ATP11B: variants seen among roughly 807,000 people sequenced by gnomAD.
The protein encoded by ATP11B is phospholipid-transporting ATPase IF.
Under a neutral mutation model 157.8 loss-of-function variants are expected in ATP11B, and 81 were observed. That is an observed-to-expected ratio of 0.51 (90% CI 0.43 to 0.62). ATP11B has a LOEUF of 0.62. Among genes scored for constraint, ATP11B ranks in the 20% least tolerant of loss-of-function variants. The pLI is 0.00. For synonymous variants in ATP11B, 451 were observed against 469.4 expected (o/e 0.96, Z 0.51); for missense variants, 1,165 against 1,402.2 (o/e 0.83, Z 2.70).
intron 2 of ATP11B, among the ~76,000 whole-genome samples, chr3:182,820,822 G>A (rs1444212047): frequency 1.3e-5 from 2 of 152,126 alleles, no homozygotes; most frequent in Admixed American, 6.5e-5. Context: ...AGAATACAAG[G>A]AGTGGCTAAT....
In ATP11B at chr3:182,793,743, A is replaced by C; in HGVS notation, c.-17A>C. The C allele has an allele frequency of 7.1e-7, 1 of 1,405,022 alleles. No individual in the cohort carries two copies. Among genetic ancestry groups the C allele is most frequent in the Non-Finnish European group, 9.3e-7 (1 of 1,073,400 alleles). 87.0% of individuals were successfully genotyped at this position (1,405,022 alleles called of 1,614,324 possible). On this transcript the variant is annotated 5_prime_UTR_variant, in exon 1 of 30. Transcript: ENST00000323116. Reference sequence around the variant, plus strand: ...GGCCCCCGCGCCCCGCGGGACCCGGACGGCGACGACGGGGGAATGTGGCGC... The same window carrying C: ...GGCCCCCGCGCCCCGCGGGACCCGGCCGGCGACGACGGGGGAATGTGGCGC...
chr3:182,908,603 TAGAG>T (rs913410652), intron 28 of ATP11B: 1 of 152,140 alleles, frequency 6.6e-6, no homozygotes, highest in Non-Finnish European at 1.5e-5. Flanking sequence ...TTATTTTACT[TAGAG>T]GGAAGGAGAG....
intron 29 of ATP11B, chr3:182,917,047 C>T (rs1010171134): frequency 2.0e-6 from 2 of 985,176 alleles, no homozygotes; most frequent in South Asian, 9.4e-5. Context: ...AGATACTGTT[C>T]CAGCTTTTCT....
chr3:182,885,947 T>C lies in ATP11B; in HGVS notation c.2656-4T>C. On this transcript the variant is annotated splice_polypyrimidine_tract_variant and splice_region_variant and intron_variant, in intron 22 of 29. Coordinates refer to ENST00000323116, the MANE Select transcript of ATP11B (RefSeq NM_014616.3). ...ATTATTTTCCATTTAATCTTGTTTT[T>C]CAGAATGTGTGCTTTATCACACCCC... The C allele has an allele frequency of 2.0e-6, 3 of 1,500,976 alleles. No individual in the cohort carries two copies. Among genetic ancestry groups the C allele is most frequent in the Non-Finnish European group, 8.8e-7 (1 of 1,130,592 alleles). 93.0% of individuals were successfully genotyped at this position (1,500,976 alleles called of 1,614,324 possible).
Position 182,820,313 on chromosome 3 carries a change from G to A in ATP11B, c.81G>A (p.Arg27=). The change falls in exon 2 of 30, where the codon AGG becomes AGA. Residue 27 remains arginine, a synonymous_variant. Coordinates refer to ENST00000323116, the MANE Select transcript of ATP11B (RefSeq NM_014616.3). ...SDTRTIYVAN[R]FPQNGLYTPQ... ...CAAGAACCATCTACGTAGCCAACAGGTTTCCTCAGAATGGCCTTTACACAC... is the reference window on the plus strand; with the variant it reads ...CAAGAACCATCTACGTAGCCAACAGATTTCCTCAGAATGGCCTTTACACAC... The A allele has an allele frequency of 1.2e-6, 2 of 1,614,130 alleles. No homozygotes were observed. The highest frequency in any genetic ancestry group is 1.1e-5 in the South Asian group (1 of 91,080).
At chr3:182,823,229 A>G (rs1717483581) in intron 2 of ATP11B, among the ~76,000 whole-genome samples, 1 of 152,184 alleles carries the variant, frequency 6.6e-6, no homozygotes, top group African/African-American at 2.4e-5. Flanking sequence ...GTTTTCTTCT[A>G]GGGTTTTTAT....
chr3:182,907,917 C>G (rs1724487570), intron 28 of ATP11B, among the ~76,000 whole-genome samples: 1 of 152,080 alleles, frequency 6.6e-6, no homozygotes, highest in South Asian at 2.1e-4. Flanking sequence ...ATAACAGGAG[C>G]CTTATTATGG....
intron 12 of ATP11B, among the ~76,000 whole-genome samples, chr3:182,863,759 C>T (rs1721027850): frequency 6.6e-6 from 1 of 151,758 alleles, no homozygotes; most frequent in Non-Finnish European, 1.5e-5. Context: ...TCCATCCCTA[C>T]CATCTAATCT....
intron 2 of ATP11B, among the ~76,000 whole-genome samples, chr3:182,826,040 A>T (rs1717697080): frequency 6.6e-6 from 1 of 152,226 alleles, no homozygotes; most frequent in African/African-American, 2.4e-5. Flanking sequence ...TGTCTTAACC[A>T]TTATTACATA....
intron 10 of ATP11B, among the ~76,000 whole-genome samples, chr3:182,850,310 T>C (rs139817668): frequency 0.011 from 1,708 of 152,118 alleles, 19 homozygotes; most frequent in Non-Finnish European, 0.019. Flanking sequence ...CCGTCTCTAC[T>C]AAAAATACAA....
chr3:182,815,531 T>C (rs571630867), intron 1 of ATP11B, among the ~76,000 whole-genome samples: 5 of 152,290 alleles, frequency 3.3e-5, no homozygotes, highest in Admixed American at 6.5e-5. Flanking sequence ...TTGAAACATA[T>C]AGCCAGCAAA....
At chr3:182,849,619 T>C (rs1719807950) in intron 10 of ATP11B, among the ~76,000 whole-genome samples, 1 of 152,082 alleles carries the variant, frequency 6.6e-6, no homozygotes, top group African/African-American at 2.4e-5. Context: ...ATTACTAAAA[T>C]GGAAACATCA....
In ATP11B at chr3:182,920,289, C is replaced by T. The variant is rs1317604296; in HGVS notation, c.*2185C>T. ...TTTTAAAAAAAGTAAATGGCAACCACTAGTGTGCTCATCCTGAACTGTTAC... is the reference window on the plus strand; with the variant it reads ...TTTTAAAAAAAGTAAATGGCAACCATTAGTGTGCTCATCCTGAACTGTTAC... On this transcript the variant is annotated 3_prime_UTR_variant, in exon 30 of 30. Coordinates refer to ENST00000323116, the MANE Select transcript of ATP11B (RefSeq NM_014616.3). The T allele has an allele frequency of 2.0e-5, 3 of 152,198 alleles. No individual in the cohort carries two copies. Among genetic ancestry groups the T allele is most frequent in the Admixed American group, 6.5e-5 (1 of 15,272 alleles). The allele number at this position is 152,198 out of a possible 1,614,324, so 9.4% of individuals were successfully genotyped here.
chr3:182,812,842 C>T (rs1716753601), intron 1 of ATP11B, among the ~76,000 whole-genome samples: 1 of 152,102 alleles, frequency 6.6e-6, no homozygotes, highest in Non-Finnish European at 1.5e-5. Flanking sequence ...TTTATCTTCC[C>T]AGCCTGAAAC....
intron 7 of ATP11B, 50 bp downstream of exon 7, chr3:182,837,224 C>T (rs901475562): frequency 1.6e-6 from 2 of 1,274,390 alleles, no homozygotes; most frequent in Non-Finnish European, 2.2e-6. Context: ...TTACAGACCT[C>T]ATTTTTAAAT....
At chr3:182,806,410 T>A (rs1431976625) in intron 1 of ATP11B, among the ~76,000 whole-genome samples, 1 of 152,186 alleles carries the variant, frequency 6.6e-6, no homozygotes, top group Non-Finnish European at 1.5e-5. Context: ...TTCAGAAAAA[T>A]TTTTAGCCAT....
At chr3:182,820,421 TA>T (rs1560063466) in intron 2 of ATP11B, 45 bp downstream of exon 2, 1 of 1,304,954 alleles carries the variant, frequency 7.7e-7, no homozygotes, top group Non-Finnish European at 1.1e-6. Context: ...CAGTGGCTCA[TA>T]CCCATCATCC....
chr3:182,845,175 C>G (rs1230920361), intron 8 of ATP11B, among the ~76,000 whole-genome samples: 2 of 151,598 alleles, frequency 1.3e-5, no homozygotes, highest in Non-Finnish European at 2.9e-5. Context: ...TGGCTAATTT[C>G]TTTTGTATTT....
chr3:182,877,918 A>C (rs1722158632), intron 19 of ATP11B, among the ~76,000 whole-genome samples: 1 of 152,160 alleles, frequency 6.6e-6, no homozygotes, highest in Non-Finnish European at 1.5e-5. Context: ...ACCTAATTTC[A>C]TGTGCCTTGG....
Sources: gnomAD v4.1 joint callset for allele counts (sites outside exome capture counted in the v4.1 genomes callset) on GRCh38, gnomAD v4.1.1 for gene constraint, MANE v1.5 for transcripts, NCBI Gene and HGNC (gene_info 2026-07-23, HGNC 2026-07-21) for gene names.